UST: variants seen among roughly 807,000 people sequenced by gnomAD.
The protein encoded by UST is uronyl 2-sulfotransferase.
A neutral mutation model predicts 45.6 loss-of-function variants in UST; 21 were observed. The ratio of observed to expected loss-of-function variants is 0.46; its 90% CI spans 0.33 to 0.66. The LOEUF (loss-of-function observed/expected upper bound fraction) is 0.66. Ranked by LOEUF, UST falls within the 30% of genes least tolerant of loss-of-function variation. UST has a pLI of 0.02. For synonymous variants in UST, 215 were observed against 200.6 expected (o/e 1.07, Z -0.61); for missense variants, 463 against 512.4 (o/e 0.90, Z 0.93).
chr6:148,954,555 C>G (rs1396794068), intron 4 of UST, among the ~76,000 whole-genome samples: 1 of 152,180 alleles, frequency 6.6e-6, no homozygotes, highest in Non-Finnish European at 1.5e-5. Context: ...TAGTCACATG[C>G]TGTCCAGGTT....
chr6:148,964,249 C>A (rs980774149), intron 4 of UST, among the ~76,000 whole-genome samples, 161 bp from the exon 5 acceptor site: 2 of 152,152 alleles, frequency 1.3e-5, no homozygotes, highest in Non-Finnish European at 2.9e-5. Context: ...TAATAAAATG[C>A]TTATCAGGAA....
rs1780907475 is a variant in UST, at chr6:148,971,068, G to C, written c.681+6505G>C. On this transcript the variant is annotated intron_variant, in intron 5 of 7. Transcript: ENST00000367463. ...GTGTCATCAAGGATAACTTAGCAGG[G>C]GGGAGAGGGGACTGTGGAGGGGACA... 1.3e-5 allele frequency among the ~76,000 whole-genome samples: 2 copies of C among 152,184 alleles called. 1 individual carries two copies. The highest frequency in any genetic ancestry group is 4.1e-4 in the South Asian group (2 of 4,826).
At chr6:148,884,483 G>A (rs920048293) in intron 1 of UST, among the ~76,000 whole-genome samples, 5 of 152,160 alleles carry the variant, frequency 3.3e-5, no homozygotes, top group African/African-American at 1.2e-4. Flanking sequence ...AGAGGGTGGG[G>A]AAGAGCTTTT....
At chr6:148,779,295 C>T (rs980197209) in intron 1 of UST, among the ~76,000 whole-genome samples, 4 of 152,122 alleles carry the variant, frequency 2.6e-5, no homozygotes, top group African/African-American at 4.8e-5. Context: ...AGAAGCATTA[C>T]GTAACATTAA....
At chr6:148,817,348 A>G (rs1240801348) in intron 1 of UST, among the ~76,000 whole-genome samples, 2 of 152,212 alleles carry the variant, frequency 1.3e-5, no homozygotes, top group Non-Finnish European at 2.9e-5. Context: ...GAAAAGAGTC[A>G]AACTCTGTAA....
At chr6:149,051,757 C>G (rs1305025557) in intron 7 of UST, among the ~76,000 whole-genome samples, 1 of 152,102 alleles carries the variant, frequency 6.6e-6, no homozygotes, top group Non-Finnish European at 1.5e-5. Flanking sequence ...GGGTGTCTGA[C>G]AAAACTTTAC....
rs1251861828 is a variant in UST, at chr6:148,938,378, A to C, written c.292-2901A>C. Reference sequence around the variant, plus strand: ...AATGGAAAAATTGCACCAAAATGGCATGTGACTGGTTGTTAAGTGAATGAT... The same window carrying C: ...AATGGAAAAATTGCACCAAAATGGCCTGTGACTGGTTGTTAAGTGAATGAT... On this transcript the variant is annotated intron_variant, in intron 2 of 7. Coordinates refer to ENST00000367463, the MANE Select transcript of UST (RefSeq NM_005715.3). Among the ~76,000 whole-genome samples the C allele has an allele frequency of 2.0e-5, 3 of 152,222 alleles. No individual in the cohort carries two copies. In the East Asian group the frequency reaches 5.8e-4, roughly 29 times the overall value.
intron 5 of UST, among the ~76,000 whole-genome samples, chr6:148,981,329 A>G (rs1246912087): frequency 2.0e-5 from 3 of 152,188 alleles, no homozygotes; most frequent in Non-Finnish European, 2.9e-5. Context: ...AGCCGCCTCC[A>G]TTAAGTGATA....
intron 7 of UST, among the ~76,000 whole-genome samples, chr6:149,048,637 A>G (rs1776428472): frequency 6.6e-6 from 1 of 152,228 alleles, no homozygotes; most frequent in African/African-American, 2.4e-5. Context: ...AATATTTGCA[A>G]CAATGATATC....
At chr6:149,014,050 GA>G (rs1388662449) in intron 5 of UST, among the ~76,000 whole-genome samples, 1 of 152,254 alleles carries the variant, frequency 6.6e-6, no homozygotes, top group Non-Finnish European at 1.5e-5. Flanking sequence ...AGAAATAAAA[GA>G]GCAGTTTTAT....
intron 1 of UST, among the ~76,000 whole-genome samples, chr6:148,831,114 A>T (rs1044926487): frequency 5.3e-5 from 8 of 152,228 alleles, no homozygotes; most frequent in African/African-American, 1.7e-4. Context: ...CTTTAAAATG[A>T]TTAAATATAA....
At chr6:148,954,733 T>G (rs1780449317) in intron 4 of UST, among the ~76,000 whole-genome samples, 1 of 152,244 alleles carries the variant, frequency 6.6e-6, no homozygotes, top group Non-Finnish European at 1.5e-5. Flanking sequence ...TGTAAACCAT[T>G]TGATTTTCTA....
At chr6:149,070,925 G>A (rs184385294) in intron 7 of UST, among the ~76,000 whole-genome samples, 345 of 151,526 alleles carry the variant, frequency 2.3e-3, no homozygotes, top group African/African-American at 5.8e-3. Flanking sequence ...ATGCCACCAC[G>A]CCCAGCTAAT....
chr6:148,826,139 C>T (rs72999176), intron 1 of UST, among the ~76,000 whole-genome samples: 1,601 of 152,202 alleles, frequency 0.011, 20 homozygotes, highest in Admixed American at 0.021. Context: ...TGAAATGGAG[C>T]CTTGCACTCT....
chr6:148,995,149 C>T (rs1317223559), intron 5 of UST, among the ~76,000 whole-genome samples: 1 of 152,094 alleles, frequency 6.6e-6, no homozygotes, highest in African/African-American at 2.4e-5. Flanking sequence ...CTCAGCTTCC[C>T]AAGTAGCTGG....
At chr6:148,780,559 T>C (rs966452398) in intron 1 of UST, among the ~76,000 whole-genome samples, 1 of 152,232 alleles carries the variant, frequency 6.6e-6, no homozygotes, top group African/African-American at 2.4e-5. Flanking sequence ...TGTTCCTATG[T>C]TAGTTTGCTA....
At chr6:148,823,696 A>G (rs1181408780) in intron 1 of UST, among the ~76,000 whole-genome samples, 1 of 152,204 alleles carries the variant, frequency 6.6e-6, no homozygotes, top group East Asian at 1.9e-4. Flanking sequence ...CATGTGTTAC[A>G]AAGATTAGCC....
At chr6:149,024,638 G>A (rs1251685233) in intron 7 of UST, among the ~76,000 whole-genome samples, 1 of 152,080 alleles carries the variant, frequency 6.6e-6, no homozygotes, top group Non-Finnish European at 1.5e-5. Context: ...CAACTGAGTT[G>A]GTGTCAAGTA....
At chr6:148,959,738 A>G (rs1341120364) in intron 4 of UST, among the ~76,000 whole-genome samples, 1 of 151,678 alleles carries the variant, frequency 6.6e-6, no homozygotes, top group Non-Finnish European at 1.5e-5. Flanking sequence ...CTCCTTCCCC[A>G]TTTGTCTCAG....
Sources: gnomAD v4.1 joint callset for allele counts (sites outside exome capture counted in the v4.1 genomes callset) on GRCh38, gnomAD v4.1.1 for gene constraint, MANE v1.5 for transcripts, NCBI Gene and HGNC (gene_info 2026-07-23, HGNC 2026-07-21) for gene names.